HERC1: variants seen among roughly 807,000 people sequenced by gnomAD.
HERC1 encodes HECT and RLD domain containing E3 ubiquitin protein ligase family member 1.
In HERC1, 160 loss-of-function variants were observed where a neutral mutation model predicts 554.3. The observed-to-expected ratio is 0.29, with a 90% confidence interval of 0.25 to 0.33. The LOEUF (loss-of-function observed/expected upper bound fraction) is 0.33. Ranked by LOEUF, HERC1 falls within the 10% of genes least tolerant of loss-of-function variation. The pLI is 1.00. For missense variants in HERC1, 4,919 were observed against 5,918.5 expected (o/e 0.83, Z 5.54); for synonymous variants, 2,175 against 2,131.7 (o/e 1.02, Z -0.56).
chr15:63,785,506 C>T (rs2076411256), intron 1 of HERC1, among the ~76,000 whole-genome samples: 1 of 152,132 alleles, frequency 6.6e-6, no homozygotes, highest in African/African-American at 2.4e-5. Context: ...CGCTGGCTAA[C>T]ACCTGTAATC....
chr15:63,626,859 G>A (rs538101647), intron 70 of HERC1, among the ~76,000 whole-genome samples: 2 of 152,250 alleles, frequency 1.3e-5, no homozygotes, highest in Admixed American at 6.5e-5. Flanking sequence ...TACCTTCTAT[G>A]TGCCTGGCAC....
At chr15:63,674,288 T>G in intron 38 of HERC1, 54 bp downstream of exon 38, 2 of 1,445,786 alleles carry the variant, frequency 1.4e-6, no homozygotes, top group South Asian at 3.0e-5. Context: ...CTGACAATTA[T>G]GAAAATAATC....
intron 12 of HERC1, among the ~76,000 whole-genome samples, chr15:63,735,987 T>C (rs1277522176): frequency 6.6e-6 from 1 of 152,114 alleles, no homozygotes; most frequent in Non-Finnish European, 1.5e-5. Flanking sequence ...TAAATGCACA[T>C]ATTCTGTTTC....
intron 1 of HERC1, among the ~76,000 whole-genome samples, chr15:63,789,471 A>G (rs974839613): frequency 6.6e-6 from 1 of 152,092 alleles, no homozygotes; most frequent in Non-Finnish European, 1.5e-5. Flanking sequence ...CAAGTAGAAT[A>G]TAAGAGTGCC....
chr15:63,706,977 G>A (rs2073039554), intron 24 of HERC1, 146 bp from the exon 25 acceptor site: 1 of 557,552 alleles, frequency 1.8e-6, no homozygotes, highest in Non-Finnish European at 3.1e-6. Context: ...ATAACAAAAT[G>A]TCCCTAAAAA....
rs1282662362 is a variant in HERC1, at chr15:63,637,498, A to G, written c.12232+7T>C. 6.4e-7 allele frequency: 1 copy of G among 1,565,168 alleles called. No individual in the cohort carries two copies. Among genetic ancestry groups the G allele is most frequent in the Non-Finnish European group, 8.7e-7 (1 of 1,153,274 alleles). On this transcript the variant is annotated splice_region_variant and intron_variant, in intron 64 of 77. Coordinates refer to ENST00000443617, the MANE Select transcript of HERC1 (RefSeq NM_003922.4). ...TCTAACCATCTTTTTATTAAGGACAATTTTACCTTGTAAGGCTGAAATAAC... is the reference window on the plus strand; with the variant it reads ...TCTAACCATCTTTTTATTAAGGACAGTTTTACCTTGTAAGGCTGAAATAAC...
chr15:63,815,570 A>G (rs1388476629), intron 1 of HERC1, among the ~76,000 whole-genome samples: 2 of 152,244 alleles, frequency 1.3e-5, no homozygotes, highest in Non-Finnish European at 1.5e-5. Flanking sequence ...TTACAGGCTA[A>G]GATGAAACAA....
chr15:63,806,507 A>G (rs1012525719), intron 1 of HERC1, among the ~76,000 whole-genome samples: 4 of 152,100 alleles, frequency 2.6e-5, no homozygotes, highest in African/African-American at 9.7e-5. Flanking sequence ...ACCTGTCTTC[A>G]TCACTACTGC....
intron 12 of HERC1, among the ~76,000 whole-genome samples, chr15:63,745,448 A>G (rs185038373): frequency 1.4e-4 from 21 of 152,340 alleles, no homozygotes; most frequent in Non-Finnish European, 2.9e-4. Context: ...TGGGATCAGC[A>G]GTTCCCCTCT....
chr15:63,751,044 T>C (rs1048840257), intron 8 of HERC1, among the ~76,000 whole-genome samples: 1 of 152,144 alleles, frequency 6.6e-6, no homozygotes, highest in Admixed American at 6.5e-5. Context: ...TAGGAGATGT[T>C]AGGAACTAAA....
At chr15:63,687,769 G>A (rs1219309465) in intron 33 of HERC1, among the ~76,000 whole-genome samples, 1 of 152,148 alleles carries the variant, frequency 6.6e-6, no homozygotes, top group Non-Finnish European at 1.5e-5. Context: ...AAGAGTGTGT[G>A]GCAACTACTC....
At chr15:63,821,336 C>G (rs1297356448) in intron 1 of HERC1, among the ~76,000 whole-genome samples, 1 of 151,796 alleles carries the variant, frequency 6.6e-6, no homozygotes, top group East Asian at 1.9e-4. Flanking sequence ...GGGCGGATCA[C>G]GAGGTCAGGA....
At chr15:63,822,253 C>T (rs978968103) in intron 1 of HERC1, among the ~76,000 whole-genome samples, 4 of 152,120 alleles carry the variant, frequency 2.6e-5, no homozygotes, top group African/African-American at 4.8e-5. Flanking sequence ...CAGGTCATGG[C>T]TAGGAATTTG....
chr15:63,749,447 A>T lies in HERC1; in HGVS notation c.2139T>A (p.Ser713Arg). Residue 713 changes from serine (S) to arginine (R), a missense_variant, in exon 10 of 78, where the codon AGT becomes AGA. By Grantham distance (110) the Ser-to-Arg change is moderately radical. This residue lies in a region of HERC1 where 744 missense variants were observed against 1,090.0 expected (regional missense o/e 0.68). Coordinates refer to ENST00000443617, the MANE Select transcript of HERC1 (RefSeq NM_003922.4). This position sits in a 1 kb window ranked among gnomAD's most constrained non-coding sequence, Gnocchi z 4.1. ...GCTGAATAGCTATGCCATCTAAGCC[A>T]CTCACTTTCTTTGGTTTAGTAATAG... ...TGPITKPKKVSGLDGIAIQQI... is the reference protein window; with the variant it reads ...TGPITKPKKVRGLDGIAIQQI... The T allele has an allele frequency of 2.5e-6, 4 of 1,613,798 alleles. No homozygotes were observed. The highest frequency in any genetic ancestry group is 3.4e-6 in the Non-Finnish European group (4 of 1,179,784).
rs949330151 is a variant in HERC1 at position 63,654,043 on chromosome 15, T to G, written c.10290+76A>C. 5 of 1,135,438 alleles carry G rather than the reference T, an allele frequency of 4.4e-6. No homozygotes were observed. In the African/African-American group the frequency reaches 6.1e-5, roughly 14 times the overall value. The allele number at this position is 1,135,438 out of a possible 1,614,324, so 70.3% of individuals were successfully genotyped here. On this transcript the variant is annotated intron_variant, in intron 51 of 77. Transcript: ENST00000443617. ...GACACAAAGAGAGAGACCTAAACTT[T>G]GAGCTCCTTGAGAAGAGAAGAGACT...
At chr15:63,752,078 C>T (rs1042591153) in intron 8 of HERC1, among the ~76,000 whole-genome samples, 2 of 152,116 alleles carry the variant, frequency 1.3e-5, no homozygotes, top group Non-Finnish European at 2.9e-5. Context: ...ACTACAAAAA[C>T]CATAGTGAGA....
chr15:63,617,019 T>A lies in HERC1; in HGVS notation c.13689-337A>T, dbSNP rs1156248633. 3.9e-5 allele frequency among the ~76,000 whole-genome samples: 6 copies of A among 152,122 alleles called. No homozygotes were observed. In the East Asian group the frequency reaches 1.2e-3, roughly 29 times the overall value. On this transcript the variant is annotated intron_variant, in intron 74 of 77. Transcript: ENST00000443617. ...TAAAATCATTATCTTTTTTTTTTTT[T>A]ATTATTATACTTTAAGTTTTAGGGT...
rs548082565 is a variant in HERC1 at position 63,676,766 on chromosome 15, A to G, written c.7070+1079T>C. Among the ~76,000 whole-genome samples, 20 of 152,358 alleles carry G rather than the reference A, an allele frequency of 1.3e-4. No individual in the cohort carries two copies. In the South Asian group the frequency reaches 3.7e-3, roughly 28 times the overall value. ...GCGAGATTCCGTCTCAAAAAAATAAATAATAAAATCAAATAAAATTTAAAA... is the reference window on the plus strand; with the variant it reads ...GCGAGATTCCGTCTCAAAAAAATAAGTAATAAAATCAAATAAAATTTAAAA... On this transcript the variant is annotated intron_variant, in intron 37 of 77. Coordinates refer to ENST00000443617, the MANE Select transcript of HERC1 (RefSeq NM_003922.4).
In HERC1 at chr15:63,645,554, T is replaced by C; in HGVS notation, c.11007A>G (p.Pro3669=). The change falls in exon 56 of 78, where the codon CCA becomes CCG. Residue 3669 remains proline, a synonymous_variant. Coordinates refer to ENST00000443617, the MANE Select transcript of HERC1 (RefSeq NM_003922.4). The part of the protein sequence containing the change: ...CWCCLHSLCH[P]SIVNGIAWCR... ...ACCAAGCAATGCCATTTACAATAGA[T>C]GGATGGCAGAGTGAATGTAGACAGC... 2.5e-6 allele frequency: 4 copies of C among 1,613,686 alleles called. No individual in the cohort carries two copies. Among genetic ancestry groups the C allele is most frequent in the Non-Finnish European group, 3.4e-6 (4 of 1,179,782 alleles).
Sources: allele counts gnomAD v4.1 joint callset (sites outside exome capture counted in the v4.1 genomes callset), GRCh38; gene constraint gnomAD v4.1.1; regional missense constraint gnomAD v4.1.1; non-coding constraint Gnocchi (gnomAD v3.1); transcripts MANE v1.5; gene names NCBI Gene and HGNC (gene_info 2026-07-23, HGNC 2026-07-21).